The following VEGFD variants were observed in gnomAD, a reference collection of about 807,000 sequenced individuals.
The protein encoded by VEGFD is c-fos induced growth factor (vascular endothelial growth factor D).
In VEGFD, 26 loss-of-function variants were observed where a neutral mutation model predicts 28.0. The observed-to-expected ratio is 0.93, with a 90% CI of 0.68 to 1.29. VEGFD has a LOEUF of 1.29. Ranked by LOEUF, VEGFD falls within the 50% of genes most tolerant of loss-of-function variation. The pLI is 0.00. For synonymous variants in VEGFD, 93 were observed against 95.5 expected (o/e 0.97, Z 0.15); for missense variants, 294 against 273.4 (o/e 1.08, Z -0.53).
chrX:15,350,499 C>T (rs938329658), intron 5 of VEGFD, among the ~76,000 whole-genome samples: 2 of 112,723 alleles, frequency 1.8e-5, no homozygotes, highest in African/African-American at 6.4e-5. Context: ...AGACTTACCC[C>T]CGCAGGGGTT....
At chrX:15,355,038 T>C in intron 4 of VEGFD, 112 bp downstream of exon 4, 2 of 675,242 alleles carry the variant, frequency 3.0e-6, no homozygotes, top group Non-Finnish European at 4.2e-6. Flanking sequence ...AAAATATGAA[T>C]AATTTGAAGA....
chrX:15,380,502 A>G (rs1258311915), intron 1 of VEGFD, among the ~76,000 whole-genome samples: 1 of 112,809 alleles, frequency 8.9e-6, no homozygotes, highest in African/African-American at 3.2e-5. Context: ...AGGGTGGATA[A>G]AAAAAGACAG....
Position 15,345,933 on chromosome X carries a change from A to G in VEGFD, c.*200T>C, listed in dbSNP as rs182045506. ...CCCTCCTCTCCATTCCTTGGTGCGC[A>G]GAGGCATCTGCAGCTAGAAGACATC... On this transcript the variant is annotated 3_prime_UTR_variant, in exon 7 of 7. Transcript: ENST00000297904. 1.4e-3 allele frequency: 647 copies of G among 447,975 alleles called. 5 individuals are homozygous for G. Among genetic ancestry groups the G allele is most frequent in the African/African-American group, 0.013 (551 of 41,236 alleles). 36.9% of individuals were successfully genotyped at this position (447,975 alleles called of 1,213,427 possible).
rs780996372 is a variant in VEGFD at position 15,383,785 on chromosome X, T to C, written c.90+72A>G. On this transcript the variant is annotated intron_variant, in intron 1 of 6. Coordinates refer to ENST00000297904, the MANE Select transcript of VEGFD (RefSeq NM_004469.5). ...CATTTTTATATTGTTTCAAAAATAG[T>C]GAGGGCAAAGAAAGTCCTCTGTATG... 8.3e-5 allele frequency: 63 copies of C among 762,743 alleles called. No individual in the cohort carries two copies. The African/African-American group carries it at 1.2e-3, about 14-fold the overall frequency. 62.9% of individuals were successfully genotyped at this position (762,743 alleles called of 1,213,427 possible).
intron 3 of VEGFD, among the ~76,000 whole-genome samples, chrX:15,356,269 T>C (rs1020452307): frequency 2.7e-5 from 3 of 111,924 alleles, no homozygotes; most frequent in Non-Finnish European, 5.6e-5. Context: ...TTTTAATGCA[T>C]TGTCTATTCA....
intron 2 of VEGFD, among the ~76,000 whole-genome samples, chrX:15,359,046 T>C (rs1005142618): frequency 9.1e-6 from 1 of 110,451 alleles, no homozygotes; most frequent in African/African-American, 3.3e-5. Flanking sequence ...AACTGTAGAG[T>C]TTATTTATTA....
chrX:15,371,528 T>C (rs1305404020), intron 1 of VEGFD, among the ~76,000 whole-genome samples: 1 of 112,171 alleles, frequency 8.9e-6, no homozygotes, highest in Admixed American at 9.5e-5. Flanking sequence ...TAACACTTGA[T>C]TTGCCTTCTA....
intron 1 of VEGFD, among the ~76,000 whole-genome samples, chrX:15,364,492 G>A (rs1376472642): frequency 8.9e-6 from 1 of 112,363 alleles, no homozygotes; most frequent in Non-Finnish European, 1.9e-5. Context: ...TGAATTCTAT[G>A]TGATCATCAA....
rs759335100 is a variant in VEGFD at position 15,383,293 on chromosome X, G to A, written c.90+564C>T. Among the ~76,000 whole-genome samples the A allele has an allele frequency of 3.6e-5, 4 of 112,139 alleles. No homozygotes were observed. In the South Asian group the frequency reaches 1.5e-3, roughly 42 times the overall value. On this transcript the variant is annotated intron_variant, in intron 1 of 6. Transcript: ENST00000297904. ...AAGCTCTATTTGATGCTTGCTCACA[G>A]AACCAAAGATTTGATTAGTGTTGAA... is the stretch of plus-strand genomic sequence containing the variant.
chrX:15,368,000 A>AAGAAAGAAAGAAAGAG (rs1466859390), intron 1 of VEGFD, among the ~76,000 whole-genome samples: 1 of 98,166 alleles, frequency 1.0e-5, no homozygotes, highest in East Asian at 3.0e-4. Flanking sequence ...GAAAGAAAGA[A>AAGAAAGAAAGAAAGAG]AGAAAGAAAG....
chrX:15,367,968 AAGAAAG>A (rs1159544640), intron 1 of VEGFD, among the ~76,000 whole-genome samples: 1 of 91,372 alleles, frequency 1.1e-5, no homozygotes, highest in Non-Finnish European at 2.1e-5. Flanking sequence ...GAAAGAAAGA[AAGAAAG>A]AAAGAAAAAG....
intron 1 of VEGFD, among the ~76,000 whole-genome samples, chrX:15,373,785 C>T (rs1341761294): frequency 2.7e-5 from 3 of 111,471 alleles, no homozygotes; most frequent in African/African-American, 9.8e-5. Context: ...TTAGCAGCTT[C>T]TTCTGTTTCA....
At chrX:15,366,889 A>T (rs1396334640) in intron 1 of VEGFD, among the ~76,000 whole-genome samples, 3 of 112,449 alleles carry the variant, frequency 2.7e-5, no homozygotes, top group African/African-American at 9.7e-5. Context: ...AATGATTGTC[A>T]TCTGCAGATG....
intron 1 of VEGFD, among the ~76,000 whole-genome samples, chrX:15,365,294 G>A (rs1033901530): frequency 2.7e-5 from 3 of 111,085 alleles, no homozygotes; most frequent in African/African-American, 6.6e-5. Flanking sequence ...CACCATGCCC[G>A]GCTAATTTTT....
chrX:15,382,177 C>G (rs1005540506), intron 1 of VEGFD, among the ~76,000 whole-genome samples: 1 of 110,298 alleles, frequency 9.1e-6, no homozygotes, highest in Non-Finnish European at 1.9e-5. Context: ...AAAATTAGCC[C>G]GGCATGGTGG....
intron 5 of VEGFD, 78 bp downstream of exon 5, chrX:15,352,990 C>G: frequency 4.2e-6 from 2 of 473,593 alleles, no homozygotes; most frequent in Non-Finnish European, 7.2e-6. Flanking sequence ...TCTGGTCATA[C>G]TAAGTACTCA....
intron 2 of VEGFD, 118 bp from the exon 3 acceptor site, chrX:15,358,311 A>G: frequency 1.6e-6 from 1 of 622,688 alleles, no homozygotes; most frequent in Non-Finnish European, 2.4e-6. Context: ...TGTTTCTTTT[A>G]CTAGATGGAT....
chrX:15,369,829 T>C (rs1273500404), intron 1 of VEGFD, among the ~76,000 whole-genome samples: 1 of 111,935 alleles, frequency 8.9e-6, no homozygotes, highest in Non-Finnish European at 1.9e-5. Context: ...AATATAGTTG[T>C]ATAAAATTTT....
At chrX:15,367,138 AGATAAGTG>A (rs1231300151) in intron 1 of VEGFD, among the ~76,000 whole-genome samples, 3 of 112,064 alleles carry the variant, frequency 2.7e-5, no homozygotes, top group Non-Finnish European at 5.6e-5. Context: ...TAAGTGCCAG[AGATAAGTG>A]GATGTAGTGT....
Sources: gnomAD v4.1 joint callset for allele counts (sites outside exome capture counted in the v4.1 genomes callset) on GRCh38, gnomAD v4.1.1 for gene constraint, MANE v1.5 for transcripts, NCBI Gene and HGNC (gene_info 2026-07-23, HGNC 2026-07-21) for gene names.